Variants in SCAMP1 observed in about 807,000 individuals in gnomAD.
The protein encoded by SCAMP1 is secretory carrier-associated membrane protein 1.
Under a neutral mutation model 41.8 loss-of-function variants are expected in SCAMP1, and 15 were observed. The observed-to-expected ratio is 0.36, with a 90% CI of 0.24 to 0.55. The LOEUF is 0.55. Ranked by LOEUF, SCAMP1 falls within the 20% of genes least tolerant of loss-of-function variation. SCAMP1 has a pLI of 0.86. For synonymous variants in SCAMP1, 135 were observed against 136.8 expected, an observed-to-expected ratio of 0.99 and a Z score of 0.09; for missense variants, 341 against 412.6, an observed-to-expected ratio of 0.83 and a Z score of 1.50.
chr5:78,405,949 T>TA (rs1751924283), intron 2 of SCAMP1, among the ~76,000 whole-genome samples: 1 of 152,222 alleles, frequency 6.6e-6, no homozygotes, highest in African/African-American at 2.4e-5. Flanking sequence ...CTGAGATTAG[T>TA]ATGTGTAAAC....
At chr5:78,377,262 C>A (rs970786419) in intron 1 of SCAMP1, among the ~76,000 whole-genome samples, 1 of 152,090 alleles carries the variant, frequency 6.6e-6, no homozygotes, top group African/African-American at 2.4e-5. Flanking sequence ...AATTGCTGTT[C>A]CCCTCAGATG....
intron 5 of SCAMP1, among the ~76,000 whole-genome samples, chr5:78,420,011 A>G (rs774427012): frequency 2.0e-5 from 3 of 152,080 alleles, no homozygotes; most frequent in Non-Finnish European, 4.4e-5. Flanking sequence ...ATATGCATTT[A>G]TATTTTATAT....
intron 8 of SCAMP1, among the ~76,000 whole-genome samples, chr5:78,466,027 C>T (rs73766807): frequency 0.048 from 7,372 of 152,312 alleles, 393 homozygotes; most frequent in East Asian, 0.3. Context: ...GAGACTGCGG[C>T]CTAGCCAAAT....
At chr5:78,435,516 G>A (rs1442529294) in intron 6 of SCAMP1, among the ~76,000 whole-genome samples, 1 of 152,158 alleles carries the variant, frequency 6.6e-6, no homozygotes, top group Non-Finnish European at 1.5e-5. Flanking sequence ...CAGAATGATA[G>A]TTTCCAGCTT....
At chr5:78,384,577 T>C (rs1302011713) in intron 1 of SCAMP1, among the ~76,000 whole-genome samples, 2 of 152,140 alleles carry the variant, frequency 1.3e-5, no homozygotes, top group Non-Finnish European at 2.9e-5. Context: ...TTCAGTGTAA[T>C]GTTGGCTGTA....
chr5:78,470,172 G>T (rs35164572), intron 8 of SCAMP1, among the ~76,000 whole-genome samples: 7,255 of 151,966 alleles, frequency 0.048, 382 homozygotes, highest in East Asian at 0.3. Context: ...TTTAATTGTG[G>T]CAAAATATGT....
intron 6 of SCAMP1, among the ~76,000 whole-genome samples, chr5:78,436,093 T>C (rs1341484398): frequency 1.3e-5 from 2 of 152,168 alleles, no homozygotes; most frequent in African/African-American, 4.8e-5. Flanking sequence ...TGTAAATTTG[T>C]TTTGAGACTT....
rs964172392 is a variant in SCAMP1, at chr5:78,479,822, C to T, written c.*4154C>T. ...CTTTGGGAGGCCAAGGTGGGCGGAT[C>T]ACGAGGTCAGGAGATCGAAACCATC... On this transcript the variant is annotated 3_prime_UTR_variant, in exon 9 of 9. Transcript: ENST00000621999. Among the ~76,000 whole-genome samples the T allele has an allele frequency of 6.6e-6, 1 of 152,044 alleles. No homozygotes were observed. Among genetic ancestry groups the T allele is most frequent in the African/African-American group, 2.4e-5 (1 of 41,388 alleles).
chr5:78,420,541 A>G (rs1752316021), intron 5 of SCAMP1, among the ~76,000 whole-genome samples: 1 of 152,198 alleles, frequency 6.6e-6, no homozygotes, highest in South Asian at 2.1e-4. Context: ...TAATGGGACT[A>G]GAGTAATGAG....
rs1346887365 is a variant in SCAMP1 at position 78,478,085 on chromosome 5, G to A, written c.*2417G>A. 6.6e-6 allele frequency: 1 copy of A among 152,518 alleles called. No individual in the cohort carries two copies. The highest frequency in any genetic ancestry group is 1.5e-5 in the Non-Finnish European group (1 of 67,980). 9.4% of individuals were successfully genotyped at this position (152,518 alleles called of 1,614,324 possible). A position where few individuals can be genotyped will look rare whatever the true frequency, so the allele number is the denominator to read the frequency against. Reference sequence around the variant, plus strand: ...CATTACTCAGTGATTTGTAATTTGGGACTTGGATTATTTATCTAGAGATGT... The same window carrying A: ...CATTACTCAGTGATTTGTAATTTGGAACTTGGATTATTTATCTAGAGATGT... On this transcript the variant is annotated 3_prime_UTR_variant, in exon 9 of 9. Transcript: ENST00000621999.
chr5:78,460,820 C>CCTTCTTTCTTTCTTTCTTT lies in SCAMP1; in HGVS notation c.852+1461_852+1462insCTTTCTTTCTTTCTTTCTT, dbSNP rs1580715544. ...TCCTTCCTTCCTCCCTTCCTTCCTT[C>CCTTCTTTCTTTCTTTCTTT]CTTTCTTGTCTTTCCTCTATCTGTC... On this transcript the variant is annotated intron_variant, in intron 8 of 8. Transcript: ENST00000621999. Among the ~76,000 whole-genome samples the CCTTCTTTCTTTCTTTCTTT allele has an allele frequency of 6.4e-4, 18 of 28,172 alleles. 3 individuals carry two copies. Among genetic ancestry groups the CCTTCTTTCTTTCTTTCTTT allele is most frequent in the Non-Finnish European group, 7.2e-4 (6 of 8,296 alleles). 18.5% of individuals were successfully genotyped at this position (28,172 alleles called of 152,430 possible).
At chr5:78,399,036 T>A (rs1397863488) in intron 2 of SCAMP1, among the ~76,000 whole-genome samples, 2 of 152,238 alleles carry the variant, frequency 1.3e-5, no homozygotes, top group Non-Finnish European at 2.9e-5. Flanking sequence ...TAGTTTTGCC[T>A]TTTCTACAGT....
intron 6 of SCAMP1, among the ~76,000 whole-genome samples, chr5:78,446,811 G>A (rs1261043558): frequency 6.6e-6 from 1 of 152,162 alleles, no homozygotes; most frequent in Non-Finnish European, 1.5e-5. Flanking sequence ...GAACCATTTA[G>A]TTTAAATCTG....
chr5:78,421,105 T>A (rs146843950), intron 5 of SCAMP1, among the ~76,000 whole-genome samples: 5 of 152,344 alleles, frequency 3.3e-5, no homozygotes, highest in African/African-American at 1.2e-4. Context: ...GATTTTTTGT[T>A]TTTGGTCTGT....
rs1285546556 is a variant in SCAMP1 at position 78,453,538 on chromosome 5, G to T, written c.734+3504G>T. Among the ~76,000 whole-genome samples, 16 of 151,686 alleles carry T rather than the reference G, an allele frequency of 1.1e-4. No homozygotes were observed. The East Asian group carries it at 3.1e-3, about 29-fold the overall frequency. On this transcript the variant is annotated intron_variant, in intron 7 of 8. Transcript: ENST00000621999. Reference sequence around the variant, plus strand: ...TCTGAGGGCTCTGTTCTGTTCCATTGATCTATATCTCTGTTTTGGTACCAG... The same window carrying T: ...TCTGAGGGCTCTGTTCTGTTCCATTTATCTATATCTCTGTTTTGGTACCAG...
intron 3 of SCAMP1, among the ~76,000 whole-genome samples, 153 bp downstream of exon 3, chr5:78,415,771 A>G (rs1225650581): frequency 2.0e-5 from 3 of 152,186 alleles, no homozygotes; most frequent in African/African-American, 7.2e-5. Flanking sequence ...GTCACCCTTC[A>G]AATACTCATT....
At chr5:78,389,513 C>G (rs1008348776) in intron 2 of SCAMP1, among the ~76,000 whole-genome samples, 1 of 152,156 alleles carries the variant, frequency 6.6e-6, no homozygotes, top group Non-Finnish European at 1.5e-5. Flanking sequence ...AATCCATCCT[C>G]CCACCTCAGC....
intron 1 of SCAMP1, among the ~76,000 whole-genome samples, chr5:78,388,373 C>G (rs958781997): frequency 2.0e-5 from 3 of 152,220 alleles, no homozygotes; most frequent in Non-Finnish European, 4.4e-5. Flanking sequence ...TAGAATAAAA[C>G]AAGAGTTACT....
intron 6 of SCAMP1, among the ~76,000 whole-genome samples, chr5:78,438,637 TG>T (rs1752829839): frequency 6.6e-6 from 1 of 152,236 alleles, no homozygotes; most frequent in Admixed American, 6.5e-5. Flanking sequence ...CTTCCAATTC[TG>T]TGGTCAATTT....
Sources: gnomAD v4.1 joint callset for allele counts (sites outside exome capture counted in the v4.1 genomes callset) on GRCh38, gnomAD v4.1.1 for gene constraint, MANE v1.5 for transcripts, NCBI Gene and HGNC (gene_info 2026-07-23, HGNC 2026-07-21) for gene names.